Variants in HDAC4 observed in about 807,000 individuals in gnomAD.
HDAC4 encodes histone deacetylase A.
A neutral mutation model predicts 135.1 loss-of-function variants in HDAC4; 16 were observed. That is an observed-to-expected ratio of 0.12 (90% confidence interval 0.08 to 0.18). The LOEUF (loss-of-function observed/expected upper bound fraction) is 0.18. Among genes scored for constraint, HDAC4 ranks in the 10% least tolerant of loss-of-function variants. The pLI is 1.00. For missense variants in HDAC4, 1,143 were observed against 1,511.8 expected, an observed-to-expected ratio of 0.76 and a Z score of 4.05; for synonymous variants, 685 against 653.4, an observed-to-expected ratio of 1.05 and a Z score of -0.74.
At chr2:239,174,005 A>G (rs2043604475) in intron 5 of HDAC4, among the ~76,000 whole-genome samples, 1 of 152,248 alleles carries the variant, frequency 6.6e-6, no homozygotes, top group Non-Finnish European at 1.5e-5. Flanking sequence ...TTGTAAAAAT[A>G]TCAGGTCTTC....
At chr2:239,375,786 G>A (rs1361964538) in intron 1 of HDAC4, among the ~76,000 whole-genome samples, 1 of 152,232 alleles carries the variant, frequency 6.6e-6, no homozygotes, top group Non-Finnish European at 1.5e-5. Flanking sequence ...GCCCCCCAGG[G>A]GGCCTGGGGA....
intron 2 of HDAC4, among the ~76,000 whole-genome samples, chr2:239,315,701 G>C (rs1011616281): frequency 1.3e-5 from 2 of 152,140 alleles, no homozygotes; most frequent in African/African-American, 2.4e-5. Context: ...TTGGGTTGCT[G>C]TCTGGGAAAA....
chr2:239,074,092 G>C (rs1012518320), intron 22 of HDAC4, among the ~76,000 whole-genome samples: 14 of 151,490 alleles, frequency 9.2e-5, no homozygotes, highest in African/African-American at 3.4e-4. Context: ...AGGACTGAGG[G>C]GGGCCGCAGG....
At chr2:239,345,413 G>A (rs191936987) in intron 2 of HDAC4, among the ~76,000 whole-genome samples, 18 of 152,070 alleles carry the variant, frequency 1.2e-4, no homozygotes, top group Non-Finnish European at 1.2e-4. Context: ...AGCTGGGCGT[G>A]GTGGCATGCA....
chr2:239,215,794 G>A (rs528758321), intron 3 of HDAC4, among the ~76,000 whole-genome samples: 69 of 152,292 alleles, frequency 4.5e-4, no homozygotes, highest in South Asian at 1.0e-3. Flanking sequence ...TGGAGGACGC[G>A]GTCATCAGTT....
At chr2:239,182,645 G>C (rs2044226289) in intron 4 of HDAC4, among the ~76,000 whole-genome samples, 1 of 152,130 alleles carries the variant, frequency 6.6e-6, no homozygotes, top group African/African-American at 2.4e-5. Flanking sequence ...ATTTATAACA[G>C]ATTATCTGTA....
intron 3 of HDAC4, among the ~76,000 whole-genome samples, chr2:239,221,729 A>G (rs1037186148): frequency 1.3e-5 from 2 of 152,086 alleles, no homozygotes; most frequent in Non-Finnish European, 2.9e-5. Context: ...CAAACTCAAA[A>G]ATCTCATTTT....
At chr2:239,212,481 C>T (rs896010901) in intron 3 of HDAC4, among the ~76,000 whole-genome samples, 8 of 152,318 alleles carry the variant, frequency 5.3e-5, no homozygotes, top group Admixed American at 2.6e-4. Flanking sequence ...GGAAGCCAGT[C>T]GGGGGCTGGC....
intron 2 of HDAC4, among the ~76,000 whole-genome samples, chr2:239,330,626 A>G (rs1158433253): frequency 6.6e-6 from 1 of 152,190 alleles, no homozygotes; most frequent in African/African-American, 2.4e-5. Flanking sequence ...CTGTTTTCTT[A>G]TCTCAGAGGA....
intron 2 of HDAC4, among the ~76,000 whole-genome samples, chr2:239,258,001 C>T (rs190335641): frequency 1.3e-5 from 2 of 151,970 alleles, no homozygotes; most frequent in East Asian, 3.9e-4. Context: ...GTTCTAGTAA[C>T]GATAAAAGAG....
rs1004872069 is a variant in HDAC4, at chr2:239,068,322, C to G, written c.2869+167G>C. 2.0e-5 allele frequency among the ~76,000 whole-genome samples: 3 copies of G among 152,172 alleles called. No homozygotes were observed. The highest frequency in any genetic ancestry group is 2.0e-4 in the Admixed American group (3 of 15,288). The stretch of plus-strand genomic sequence containing the variant: ...GCTCCCGCTGCCTGCTCTGGGCTCT[C>G]TGGGGCCTCCCAAATGGACTGGTTC... On this transcript the variant is annotated intron_variant, in intron 23 of 26. Transcript: ENST00000543185. The surrounding 1 kb of genome is among the most constrained non-coding windows in gnomAD (Gnocchi z 4.4).
chr2:239,326,977 TG>T (rs2053486467), intron 2 of HDAC4, among the ~76,000 whole-genome samples: 1 of 152,208 alleles, frequency 6.6e-6, no homozygotes, highest in Non-Finnish European at 1.5e-5. Context: ...TCCCAGGCCA[TG>T]AGTGCAGGCA....
At position 239,054,752 on chromosome 2, in the gene HDAC4, G is replaced by A; in HGVS notation, c.3085C>T (p.His1029Tyr). ...VRSMEKVMEI[H>Y]SKYWRCLQRT... ...AGCACCCAGCCAGGCAACTTACTGT[G>A]GATCTCCATGACTTTCTCCATGGAA... Residue 1029 changes from histidine to tyrosine, a missense_variant, in exon 25 of 27, where the codon CAC becomes TAC. This residue lies in a region of HDAC4 where 131 missense variants were observed against 130.6 expected (regional missense o/e 1.00). Coordinates refer to ENST00000543185, the MANE Select transcript of HDAC4 (RefSeq NM_001378414.1). 6.2e-7 allele frequency: 1 copy of A among 1,609,046 alleles called. No individual in the cohort carries two copies. The highest frequency in any genetic ancestry group is 8.5e-7 in the Non-Finnish European group (1 of 1,175,496).
rs190905276 is a variant in HDAC4 at position 239,331,003 on chromosome 2, G to T, written c.22+21675C>A. On this transcript the variant is annotated intron_variant, in intron 2 of 26. Transcript: ENST00000543185. The surrounding 1 kb of genome is among the most constrained non-coding windows in gnomAD (Gnocchi z 4.5). ...CTGACACAGACCTGCTGCCCTGTGC[G>T]TGCGCATTCCCAACCTGCCTGACCT... is the stretch of plus-strand genomic sequence containing the variant. 2.0e-5 allele frequency among the ~76,000 whole-genome samples: 3 copies of T among 152,290 alleles called. No homozygotes were observed. In the East Asian group the frequency reaches 5.8e-4, roughly 29 times the overall value.
At chr2:239,276,472 T>A (rs2050371770) in intron 2 of HDAC4, among the ~76,000 whole-genome samples, 1 of 152,198 alleles carries the variant, frequency 6.6e-6, no homozygotes, top group Admixed American at 6.5e-5. Flanking sequence ...CTGACGGACC[T>A]CCCAACTAGG....
intron 2 of HDAC4, among the ~76,000 whole-genome samples, chr2:239,242,762 G>A (rs1169385572): frequency 2.0e-5 from 3 of 152,210 alleles, no homozygotes; most frequent in African/African-American, 7.2e-5. Context: ...ATTGCTTGCT[G>A]CAGGTGTCCA....
chr2:239,158,856 GAGC>G (rs912219508), intron 6 of HDAC4, among the ~76,000 whole-genome samples: 1 of 152,044 alleles, frequency 6.6e-6, no homozygotes, highest in African/African-American at 2.4e-5. Context: ...CCAGCAGGGC[GAGC>G]AGAAGTGAAG....
At position 239,104,430 on chromosome 2, in the gene HDAC4, T is replaced by C. The variant is rs2037939466; in HGVS notation, c.2113-1534A>G. ...TTTTATCAGACATGGAGTTTTGCCATGTTGTTCCAGGCTGGTCTTGAACTC... is the reference window on the plus strand; with the variant it reads ...TTTTATCAGACATGGAGTTTTGCCACGTTGTTCCAGGCTGGTCTTGAACTC... On this transcript the variant is annotated intron_variant, in intron 15 of 26. Transcript: ENST00000543185. Among the ~76,000 whole-genome samples the C allele has an allele frequency of 5.3e-5, 8 of 152,282 alleles. No individual in the cohort carries two copies. In the South Asian group the frequency reaches 1.5e-3, roughly 28 times the overall value.
chr2:239,093,432 G>T (rs1217375157), intron 17 of HDAC4, among the ~76,000 whole-genome samples: 1 of 152,218 alleles, frequency 6.6e-6, no homozygotes, highest in East Asian at 1.9e-4. Flanking sequence ...GAGGAGACAT[G>T]AGGCTCAGGA....
Sources: allele counts gnomAD v4.1 joint callset (sites outside exome capture counted in the v4.1 genomes callset), GRCh38; gene constraint gnomAD v4.1.1; regional missense constraint gnomAD v4.1.1; non-coding constraint Gnocchi (gnomAD v3.1); transcripts MANE v1.5; gene names NCBI Gene and HGNC (gene_info 2026-07-23, HGNC 2026-07-21).